MLLT10: variants seen among roughly 807,000 people sequenced by gnomAD.
The protein encoded by MLLT10 is protein AF-10.
In MLLT10, 30 loss-of-function variants were observed where a neutral mutation model predicts 129.1. The ratio of observed to expected loss-of-function variants is 0.23; its 90% confidence interval spans 0.17 to 0.32. The LOEUF (loss-of-function observed/expected upper bound fraction) is 0.32. Among genes scored for constraint, MLLT10 ranks in the 10% least tolerant of loss-of-function variants. The probability of loss-of-function intolerance (pLI) is 1.00; values close to 1 mark genes in which losing one functional copy is unlikely to be tolerated. For synonymous variants in MLLT10, 490 were observed against 446.4 expected (o/e 1.10, Z -1.23); for missense variants, 1,119 against 1,268.3 (o/e 0.88, Z 1.79).
rs532555198 is a variant in MLLT10, at chr10:21,730,018, G to A, written c.2064-882G>A. 5.3e-5 allele frequency among the ~76,000 whole-genome samples: 8 copies of A among 152,180 alleles called. No individual in the cohort carries two copies. In the East Asian group the frequency reaches 9.7e-4, roughly 18 times the overall value. On this transcript the variant is annotated intron_variant, in intron 16 of 22. Coordinates refer to ENST00000307729, the MANE Select transcript of MLLT10 (RefSeq NM_001195626.3). ...GTGGCTCATGCCTATAATCCCAGCAGTTAGATAGAGAGGCCTGGGCGGGAG... is the reference window on the plus strand; with the variant it reads ...GTGGCTCATGCCTATAATCCCAGCAATTAGATAGAGAGGCCTGGGCGGGAG...
intron 9 of MLLT10, chr10:21,669,057 G>A (rs2051125994): frequency 7.3e-7 from 1 of 1,366,948 alleles, no homozygotes; most frequent in African/African-American, 1.5e-5. Context: ...TCTAAAGTAA[G>A]CCATGAAGTT....
Position 21,624,708 on chromosome 10 carries a change from C to T in MLLT10, c.699+7501C>T, listed in dbSNP as rs1312167064. On this transcript the variant is annotated intron_variant, in intron 8 of 22. Transcript: ENST00000307729. ...GGCTGCTGAGCGATGGGTTGAGAGA[C>T]CCAGTTCTGTTGTTTGTTGGTCTGA... 6.6e-6 allele frequency: 9 copies of T among 1,358,496 alleles called. No homozygotes were observed. In the East Asian group the frequency reaches 1.6e-4, roughly 25 times the overall value. 84.2% of individuals were successfully genotyped at this position (1,358,496 alleles called of 1,614,324 possible).
At chr10:21,637,225 T>C (rs940302183) in intron 8 of MLLT10, among the ~76,000 whole-genome samples, 16 of 152,300 alleles carry the variant, frequency 1.1e-4, no homozygotes, top group African/African-American at 3.6e-4. Flanking sequence ...AGGTAGACAA[T>C]GTGCTTCAGC....
chr10:21,578,902 A>G (rs1476004390), intron 3 of MLLT10, among the ~76,000 whole-genome samples: 4 of 152,228 alleles, frequency 2.6e-5, no homozygotes, highest in African/African-American at 9.6e-5. Flanking sequence ...TAATCATGTA[A>G]TGTTAAGAAC....
intron 3 of MLLT10, among the ~76,000 whole-genome samples, chr10:21,565,285 A>G (rs2039407294): frequency 6.6e-6 from 1 of 151,952 alleles, no homozygotes. Flanking sequence ...TGTACACAAA[A>G]TAGTGTTAGG....
chr10:21,576,631 AT>A (rs772463822), intron 3 of MLLT10, among the ~76,000 whole-genome samples: 6,415 of 138,114 alleles, frequency 0.046, 315 homozygotes, highest in African/African-American at 0.13. Context: ...CTAATACACA[AT>A]TTTTTTTTTT....
intron 8 of MLLT10, among the ~76,000 whole-genome samples, chr10:21,647,303 T>G (rs1185421965): frequency 6.6e-6 from 1 of 152,208 alleles, no homozygotes; most frequent in Non-Finnish European, 1.5e-5. Context: ...TACACCTTGT[T>G]AGATGTGAAA....
At chr10:21,719,025 T>C (rs2056951917) in intron 14 of MLLT10, among the ~76,000 whole-genome samples, 1 of 152,218 alleles carries the variant, frequency 6.6e-6, no homozygotes, top group South Asian at 2.1e-4. Flanking sequence ...CCTGGGCATA[T>C]TTCTGTATTT....
intron 3 of MLLT10, among the ~76,000 whole-genome samples, chr10:21,556,318 T>G (rs2037952843): frequency 1.3e-5 from 2 of 152,174 alleles, no homozygotes. Flanking sequence ...TGAGCAGACA[T>G]TATTGAGTGA....
intron 13 of MLLT10, among the ~76,000 whole-genome samples, chr10:21,697,862 G>T (rs974019318): frequency 1.3e-5 from 2 of 152,206 alleles, no homozygotes; most frequent in African/African-American, 4.8e-5. Flanking sequence ...ATTAACAACA[G>T]AAGTGTTTCT....
At chr10:21,706,665 A>C (rs1270331333) in intron 13 of MLLT10, among the ~76,000 whole-genome samples, 1 of 152,228 alleles carries the variant, frequency 6.6e-6, no homozygotes, top group Non-Finnish European at 1.5e-5. Context: ...AGGCAGTTTG[A>C]AAGTGGGAAA....
chr10:21,670,758 T>C, intron 10 of MLLT10, 54 bp downstream of exon 10: 4 of 1,530,010 alleles, frequency 2.6e-6, no homozygotes, highest in Non-Finnish European at 3.5e-6. Context: ...TAATAATAGT[T>C]ATGCTTTGTA....
chr10:21,624,850 G>T, intron 8 of MLLT10: 5 of 1,095,088 alleles, frequency 4.6e-6, no homozygotes, highest in South Asian at 1.4e-5. Flanking sequence ...TGTTGTGCAG[G>T]ACCCCCTCTG....
At chr10:21,561,058 C>T (rs1457818256) in intron 3 of MLLT10, among the ~76,000 whole-genome samples, 1 of 152,142 alleles carries the variant, frequency 6.6e-6, no homozygotes, top group Non-Finnish European at 1.5e-5. Flanking sequence ...TCTTTTCGCT[C>T]TGTTGAGAGT....
At chr10:21,663,448 C>G (rs1356788422) in intron 9 of MLLT10, among the ~76,000 whole-genome samples, 1 of 151,116 alleles carries the variant, frequency 6.6e-6, no homozygotes, top group African/African-American at 2.4e-5. Context: ...GTGATCTCGG[C>G]TCACTGCAAC....
chr10:21,554,209 A>G (rs2037539094), intron 3 of MLLT10, among the ~76,000 whole-genome samples: 1 of 152,000 alleles, frequency 6.6e-6, no homozygotes, highest in Admixed American at 6.6e-5. Context: ...AAAATTTTGG[A>G]TGTTAGACTT....
chr10:21,642,982 C>T (rs891044845), intron 8 of MLLT10, among the ~76,000 whole-genome samples: 1 of 152,094 alleles, frequency 6.6e-6, no homozygotes, highest in Non-Finnish European at 1.5e-5. Flanking sequence ...GCTAGTATCC[C>T]TATAGTCATT....
intron 9 of MLLT10, among the ~76,000 whole-genome samples, chr10:21,658,744 A>G (rs1589473557): frequency 6.6e-6 from 1 of 152,252 alleles, no homozygotes; most frequent in African/African-American, 2.4e-5. Context: ...GGCTCACTGC[A>G]GCCTCTGCCT....
At chr10:21,701,499 G>T (rs1306302944) in intron 13 of MLLT10, among the ~76,000 whole-genome samples, 2 of 151,472 alleles carry the variant, frequency 1.3e-5, no homozygotes, top group African/African-American at 4.8e-5. Context: ...ATAGGTTTTG[G>T]CATGTTGCGT....
Sources: allele counts gnomAD v4.1 joint callset (sites outside exome capture counted in the v4.1 genomes callset), GRCh38; gene constraint gnomAD v4.1.1; transcripts MANE v1.5; gene names NCBI Gene and HGNC (gene_info 2026-07-23, HGNC 2026-07-21).